PML: variants seen among roughly 807,000 people sequenced by gnomAD.
The protein encoded by PML is PML nuclear body scaffold, also known as protein PML.
In PML, 28 loss-of-function variants were observed where a neutral mutation model predicts 65.2. That is an observed-to-expected ratio of 0.43 (90% confidence interval 0.32 to 0.59). The LOEUF (loss-of-function observed/expected upper bound fraction) is 0.59, where lower values mean the gene tolerates loss of function less well. Ranked by LOEUF, PML falls within the 20% of genes least tolerant of loss-of-function variation. The pLI is 0.08. For missense variants in PML, 1,021 were observed against 1,203.4 expected (o/e 0.85, Z 2.24); for synonymous variants, 500 against 508.8 (o/e 0.98, Z 0.23).
At chr15:74,030,785 T>C (rs1444305462) in intron 4 of PML, among the ~76,000 whole-genome samples, 1 of 152,186 alleles carries the variant, frequency 6.6e-6, no homozygotes, top group African/African-American at 2.4e-5. Flanking sequence ...GCAATAATCA[T>C]AGTACGGTAC....
chr15:74,008,350 T>C (rs1374073461), intron 2 of PML, among the ~76,000 whole-genome samples: 1 of 152,158 alleles, frequency 6.6e-6, no homozygotes, highest in African/African-American at 2.4e-5. Flanking sequence ...CTCAGCTTTC[T>C]CCTTTGTCAT....
chr15:74,017,529 G>A (rs1030606720), intron 2 of PML, among the ~76,000 whole-genome samples: 3 of 151,950 alleles, frequency 2.0e-5, no homozygotes, highest in African/African-American at 7.3e-5. Context: ...TACACCTGTA[G>A]TTCCGGCTGC....
chr15:74,002,305 TA>T (rs1010203603), intron 2 of PML, among the ~76,000 whole-genome samples: 9 of 151,764 alleles, frequency 5.9e-5, no homozygotes, highest in Non-Finnish European at 1.3e-4. Flanking sequence ...TATATATACA[TA>T]CACAAATATA....
intron 2 of PML, among the ~76,000 whole-genome samples, chr15:74,013,143 A>G (rs891605166): frequency 6.6e-6 from 1 of 152,190 alleles, no homozygotes; most frequent in East Asian, 1.9e-4. Context: ...TCTGGAACCT[A>G]GCATGCTCCT....
chr15:74,035,932 C>G lies in PML; in HGVS notation c.1710+1402C>G, dbSNP rs761737205. On this transcript the variant is annotated intron_variant, in intron 7 of 8. Transcript: ENST00000268058. This position sits in a 1 kb window ranked among gnomAD's most constrained non-coding sequence, Gnocchi z 4.1. ...CCCCCCATCAGCCCAGTCCCAGGCG[C>G]CCGTCAAGCAGGCCTCTGAGAGTGC... The G allele has an allele frequency of 9.3e-6, 15 of 1,613,892 alleles. No homozygotes were observed. The highest frequency in any genetic ancestry group is 1.2e-5 in the Non-Finnish European group (14 of 1,180,044).
In PML at chr15:73,994,881, G is replaced by A. The variant is rs1380719368; in HGVS notation, c.69G>A (p.Met23Ile). ...CCGCCCGGCCCCAGGAGCCCACCATGCCTCCCCCCGAGACCCCCTCTGAAG... is the reference window on the plus strand; with the variant it reads ...CCGCCCGGCCCCAGGAGCCCACCATACCTCCCCCCGAGACCCCCTCTGAAG... ...QDPARPQEPTMPPPETPSEGR... is the reference protein window; with the variant it reads ...QDPARPQEPTIPPPETPSEGR... Residue 23 changes from methionine (M) to isoleucine (I), a missense_variant, in exon 1 of 9, where the codon ATG (methionine) becomes ATA (isoleucine). Met to Ile is a conservative substitution (Grantham distance 10, BLOSUM62 1). Transcript: ENST00000268058. 9 of 1,503,722 alleles carry A rather than the reference G, an allele frequency of 6.0e-6. No homozygotes were observed. The highest frequency in any genetic ancestry group is 8.2e-6 in the Non-Finnish European group (9 of 1,103,310). The allele number at this position is 1,503,722 out of a possible 1,614,324, so 93.1% of individuals were successfully genotyped here.
intron 7 of PML, chr15:74,034,759 T>C: frequency 2.0e-6 from 3 of 1,474,628 alleles, no homozygotes; most frequent in East Asian, 2.5e-5. Context: ...GAAATGCTGA[T>C]AGCATGTGTC....
rs752502722 is a variant in PML at position 74,042,996 on chromosome 15, G to A, written c.1718G>A (p.Arg573Gln). The A allele has an allele frequency of 1.1e-5, 18 of 1,613,460 alleles. No homozygotes were observed. Among genetic ancestry groups the A allele is most frequent in the Admixed American group, 1.7e-5 (1 of 59,958 alleles). ...EDSDAENSSS[R>Q]ELDDSSSESS... is the part of the protein sequence containing the mutation. ...GGTTTTTCTGTGTTGCAGTCCTCCC[G>A]AGAGCTGGATGACAGCAGCAGTGAG... Residue 573 changes from arginine (R) to glutamine (Q), a missense_variant, in exon 8 of 9, where the codon CGA (arginine) becomes CAA (glutamine). Arg to Gln is a conservative substitution (Grantham distance 43). Transcript: ENST00000268058. This position sits in a 1 kb window ranked among gnomAD's most constrained non-coding sequence, Gnocchi z 5.3.
chr15:74,006,790 C>T (rs1294473106), intron 2 of PML, among the ~76,000 whole-genome samples: 3 of 151,964 alleles, frequency 2.0e-5, no homozygotes, highest in East Asian at 1.9e-4. Flanking sequence ...TTACTCATGG[C>T]GGAAGGTGAA....
rs777838119 is a variant in PML, at chr15:74,043,965, G to A, written c.1862-256G>A. On this transcript the variant is annotated intron_variant, in intron 8 of 8. Coordinates refer to ENST00000268058, the MANE Select transcript of PML (RefSeq NM_033238.3). This position sits in a 1 kb window ranked among gnomAD's most constrained non-coding sequence, Gnocchi z 4.3. ...ATGGGGTTTGGCCAACTCTGGGGCC[G>A]GTAGTGGAGGAGGGGAGAGCTGGAT... 3.9e-5 allele frequency among the ~76,000 whole-genome samples: 6 copies of A among 152,172 alleles called. No individual in the cohort carries two copies. Among genetic ancestry groups the A allele is most frequent in the African/African-American group, 1.4e-4 (6 of 41,436 alleles).
chr15:74,033,564 C>T lies in PML; in HGVS notation c.1657+150C>T, dbSNP rs184340830. Reference sequence around the variant, plus strand: ...TAAGATAGGGAAAGTTCACAGTGTGCGTGGGGGTGAGAGTGGACACAGTTT... The same window carrying T: ...TAAGATAGGGAAAGTTCACAGTGTGTGTGGGGGTGAGAGTGGACACAGTTT... On this transcript the variant is annotated intron_variant, in intron 6 of 8. Transcript: ENST00000268058. 11 of 862,652 alleles carry T rather than the reference C, an allele frequency of 1.3e-5. No homozygotes were observed. The East Asian group carries it at 2.1e-4, about 16-fold the overall frequency. The allele number at this position is 862,652 out of a possible 1,614,324, so 53.4% of individuals were successfully genotyped here.
chr15:74,000,803 C>T (rs986205131), intron 2 of PML, among the ~76,000 whole-genome samples: 8 of 152,094 alleles, frequency 5.3e-5, no homozygotes, highest in African/African-American at 1.9e-4. Context: ...CCTGCAGATA[C>T]TGAGGGCCAA....
intron 4 of PML, among the ~76,000 whole-genome samples, chr15:74,030,345 T>C (rs1050893304): frequency 6.6e-6 from 1 of 152,056 alleles, no homozygotes; most frequent in African/African-American, 2.4e-5. Context: ...GGAAGAGGCC[T>C]CCATTTCAAG....
chr15:74,043,485 A>C lies in PML; in HGVS notation c.1861+346A>C. 9.8e-7 allele frequency: 1 copy of C among 1,017,770 alleles called. No individual in the cohort carries two copies. The highest frequency in any genetic ancestry group is 1.3e-6 in the Non-Finnish European group (1 of 749,680). The allele number at this position is 1,017,770 out of a possible 1,614,324, so 63.0% of individuals were successfully genotyped here. A position where few individuals can be genotyped will look rare whatever the true frequency, so the allele number is the denominator to read the frequency against. On this transcript the variant is annotated intron_variant, in intron 8 of 8. Coordinates refer to ENST00000268058, the MANE Select transcript of PML (RefSeq NM_033238.3). The surrounding 1 kb of genome is among the most constrained non-coding windows in gnomAD (Gnocchi z 4.3). Reference sequence around the variant, plus strand: ...TTGCCGTGAGCCCTGTCATCCAAGTAAGGCCTCTGGCTGTGCTACACGTTT... The same window carrying C: ...TTGCCGTGAGCCCTGTCATCCAAGTCAGGCCTCTGGCTGTGCTACACGTTT...
chr15:74,045,349 C>G lies in PML; in HGVS notation c.*341C>G. 1 of 362,530 alleles carries G rather than the reference C, an allele frequency of 2.8e-6. No individual in the cohort carries two copies. The highest frequency in any genetic ancestry group is 5.0e-6 in the Non-Finnish European group (1 of 198,228). 22.5% of individuals were successfully genotyped at this position (362,530 alleles called of 1,614,324 possible). The stretch of plus-strand genomic sequence containing the variant: ...CCCCATCCATCCCACCTGCCACTAC[C>G]TTGGGTGTCCTTACAGCTCTGCCCT... On this transcript the variant is annotated 3_prime_UTR_variant, in exon 9 of 9. Transcript: ENST00000268058.
chr15:74,021,194 C>T lies in PML; in HGVS notation c.603-1634C>T, dbSNP rs144277298. ...AATGGGGATAATAATGGTATCTATTCCACTGGATTGTCAGGAGGATTGAAT... is the reference window on the plus strand; with the variant it reads ...AATGGGGATAATAATGGTATCTATTTCACTGGATTGTCAGGAGGATTGAAT... On this transcript the variant is annotated intron_variant, in intron 2 of 8. Transcript: ENST00000268058. Among the ~76,000 whole-genome samples the T allele has an allele frequency of 5.9e-5, 9 of 152,296 alleles. No homozygotes were observed. In the East Asian group the frequency reaches 1.5e-3, roughly 26 times the overall value.
At position 74,042,928 on chromosome 15, in the gene PML, TC is replaced by T; in HGVS notation, c.1711-60del. ...CCCAGCTATACCAGCTTGCTAGTGT[TC>T]TGCACAGGTGCTTGCCTTGGCCCTC... is the stretch of plus-strand genomic sequence containing the variant. On this transcript the variant is annotated intron_variant, in intron 7 of 8. Coordinates refer to ENST00000268058, the MANE Select transcript of PML (RefSeq NM_033238.3). The surrounding 1 kb of genome is among the most constrained non-coding windows in gnomAD (Gnocchi z 5.3). 1.2e-6 allele frequency: 2 copies of T among 1,611,756 alleles called. No homozygotes were observed. Among genetic ancestry groups the T allele is most frequent in the Non-Finnish European group, 1.7e-6 (2 of 1,179,960 alleles).
rs1377238602 is a variant in PML, at chr15:74,035,907, C to T, written c.1710+1377C>T. Reference sequence around the variant, plus strand: ...CCCACCACCCTGTGCCCCAGAAAGGCCCCCCATCAGCCCAGTCCCAGGCGC... The same window carrying T: ...CCCACCACCCTGTGCCCCAGAAAGGTCCCCCATCAGCCCAGTCCCAGGCGC... On this transcript the variant is annotated intron_variant, in intron 7 of 8. Transcript: ENST00000268058. This position sits in a 1 kb window ranked among gnomAD's most constrained non-coding sequence, Gnocchi z 4.1. 2 of 1,613,614 alleles carry T rather than the reference C, an allele frequency of 1.2e-6. No homozygotes were observed. Among genetic ancestry groups the T allele is most frequent in the East Asian group, 2.2e-5 (1 of 44,876 alleles).
chr15:74,017,086 C>T (rs1321174037), intron 2 of PML, among the ~76,000 whole-genome samples: 3 of 151,454 alleles, frequency 2.0e-5, no homozygotes, highest in Admixed American at 6.6e-5. Flanking sequence ...CATGAGCCGC[C>T]GCGCCCGGCC....
Sources: gnomAD v4.1 joint callset for allele counts (sites outside exome capture counted in the v4.1 genomes callset) on GRCh38, gnomAD v4.1.1 for gene constraint, Gnocchi (gnomAD v3.1) non-coding constraint, MANE v1.5 for transcripts, NCBI Gene and HGNC (gene_info 2026-07-23, HGNC 2026-07-21) for gene names.